The following CFAP20DC variants were observed in gnomAD, a reference collection of about 807,000 sequenced individuals.
CFAP20DC encodes the protein protein CFAP20DC.
CFAP20DC carries 84 observed loss-of-function variants against 101.7 expected under a neutral mutation model. The ratio of observed to expected loss-of-function variants is 0.83; its 90% CI spans 0.69 to 0.99. The LOEUF is 0.99. Among genes scored for constraint, CFAP20DC ranks in the 50% least tolerant of loss-of-function variants. The pLI is 0.00. For missense variants in CFAP20DC, 1,007 were observed against 970.3 expected (o/e 1.04, Z -0.50); for synonymous variants, 359 against 351.2 (o/e 1.02, Z -0.25).
At chr3:58,787,664 T>G (rs2072477764) in intron 15 of CFAP20DC, among the ~76,000 whole-genome samples, 1 of 152,110 alleles carries the variant, frequency 6.6e-6, no homozygotes. Context: ...GGATTATAAA[T>G]CATTCTACTA....
At chr3:58,809,999 C>T (rs6784903) in intron 14 of CFAP20DC, among the ~76,000 whole-genome samples, 15,066 of 152,072 alleles carry the variant, frequency 0.099, 1,290 homozygotes, top group East Asian at 0.35. Context: ...CACGACTAAA[C>T]CAGGAAGAAG....
At chr3:58,934,267 G>C (rs1487205673) in intron 5 of CFAP20DC, among the ~76,000 whole-genome samples, 1 of 152,202 alleles carries the variant, frequency 6.6e-6, no homozygotes, top group South Asian at 2.1e-4. Context: ...CTCTGAAATT[G>C]TGGCAATAAT....
intron 14 of CFAP20DC, among the ~76,000 whole-genome samples, chr3:58,830,518 A>G (rs2108036683): frequency 6.6e-6 from 1 of 152,200 alleles, no homozygotes; most frequent in East Asian, 1.9e-4. Flanking sequence ...GATTTCCAAG[A>G]TCTACAAAGA....
At chr3:58,814,835 C>G (rs795409) in intron 14 of CFAP20DC, among the ~76,000 whole-genome samples, 1 of 150,878 alleles carries the variant, frequency 6.6e-6, no homozygotes, top group Non-Finnish European at 1.5e-5. Context: ...GAACTACAAA[C>G]CACTGCTCAA....
intron 11 of CFAP20DC, 143 bp downstream of exon 11, chr3:58,866,423 G>A (rs908039683): frequency 6.6e-6 from 4 of 603,028 alleles, no homozygotes; most frequent in African/African-American, 5.8e-5. Flanking sequence ...ATAAAATTGA[G>A]GTTAAATAAG....
At chr3:58,831,103 T>G (rs2076363418) in intron 14 of CFAP20DC, among the ~76,000 whole-genome samples, 1 of 152,178 alleles carries the variant, frequency 6.6e-6, no homozygotes, top group Admixed American at 6.5e-5. Flanking sequence ...CTGTTCCAAC[T>G]CCTCTGCTGG....
At chr3:58,782,945 T>G (rs1043617388) in intron 15 of CFAP20DC, among the ~76,000 whole-genome samples, 7 of 151,844 alleles carry the variant, frequency 4.6e-5, no homozygotes, top group African/African-American at 1.7e-4. Flanking sequence ...AGAACCTGAA[T>G]AGCAAAAGAA....
chr3:58,723,234 G>A (rs1300120009), intron 3 of CFAP20DC, among the ~76,000 whole-genome samples: 1 of 152,182 alleles, frequency 6.6e-6, no homozygotes, highest in East Asian at 1.9e-4. Context: ...TTTTCCCCTT[G>A]AATGCTGTAG....
At chr3:58,851,436 T>A (rs1196311500) in intron 12 of CFAP20DC, among the ~76,000 whole-genome samples, 1 of 152,138 alleles carries the variant, frequency 6.6e-6, no homozygotes, top group Non-Finnish European at 1.5e-5. Context: ...ACTGAGTAAT[T>A]CTTGCAGTCT....
intron 4 of CFAP20DC, among the ~76,000 whole-genome samples, chr3:58,978,625 C>A (rs966295638): frequency 1.3e-5 from 2 of 150,902 alleles, no homozygotes; most frequent in Non-Finnish European, 2.9e-5. Context: ...ATGAGAATTG[C>A]TTGAACCTGG....
intron 4 of CFAP20DC, among the ~76,000 whole-genome samples, chr3:59,011,490 C>T (rs1014207199): frequency 6.7e-6 from 1 of 148,940 alleles, no homozygotes; most frequent in Non-Finnish European, 1.5e-5. Flanking sequence ...CAAATCAAAC[C>T]CAAACTCAGC....
chr3:58,966,533 TA>T (rs1455889684), intron 4 of CFAP20DC, among the ~76,000 whole-genome samples: 44 of 143,160 alleles, frequency 3.1e-4, no homozygotes, highest in Admixed American at 7.4e-4. Flanking sequence ...TATATATATA[TA>T]TTTTTTTTAG....
chr3:58,821,986 TC>T (rs1288876129), intron 14 of CFAP20DC, among the ~76,000 whole-genome samples: 1 of 143,426 alleles, frequency 7.0e-6, no homozygotes, highest in African/African-American at 2.8e-5. Context: ...AGAGTTCATG[TC>T]CTTTGTAGGG....
intron 13 of CFAP20DC, among the ~76,000 whole-genome samples, chr3:58,838,577 C>A (rs72881626): frequency 0.037 from 5,694 of 152,082 alleles, 132 homozygotes; most frequent in African/African-American, 0.073. Flanking sequence ...TGGGGAGGAG[C>A]ATGCATGAAA....
chr3:58,931,379 C>T (rs1036768591), intron 5 of CFAP20DC, among the ~76,000 whole-genome samples: 2 of 152,210 alleles, frequency 1.3e-5, no homozygotes, highest in Admixed American at 6.5e-5. Flanking sequence ...GTAACCTCTG[C>T]AGACTTAAAT....
chr3:59,024,964 G>A (rs2093867833), intron 4 of CFAP20DC, among the ~76,000 whole-genome samples: 1 of 152,174 alleles, frequency 6.6e-6, no homozygotes, highest in Admixed American at 6.5e-5. Flanking sequence ...GATTTGCTGT[G>A]AATTGTCTTC....
chr3:59,000,717 C>T (rs1357526771), intron 4 of CFAP20DC, among the ~76,000 whole-genome samples: 1 of 152,058 alleles, frequency 6.6e-6, no homozygotes, highest in Non-Finnish European at 1.5e-5. Context: ...GGAGGGCATA[C>T]AGGATGTGAA....
intron 5 of CFAP20DC, among the ~76,000 whole-genome samples, chr3:58,930,691 T>C (rs1038585150): frequency 1.3e-5 from 2 of 152,138 alleles, no homozygotes; most frequent in Non-Finnish European, 2.9e-5. Flanking sequence ...TTTCAGTATG[T>C]TTATTTTTAT....
intron 4 of CFAP20DC, among the ~76,000 whole-genome samples, chr3:59,028,916 G>A (rs895467988): frequency 8.5e-5 from 13 of 152,130 alleles, no homozygotes; most frequent in African/African-American, 2.9e-4. Flanking sequence ...AGGTGAGGCA[G>A]GTTAAGTAAT....
Sources: gnomAD v4.1 joint callset for allele counts (sites outside exome capture counted in the v4.1 genomes callset) on GRCh38, gnomAD v4.1.1 for gene constraint, MANE v1.5 for transcripts, NCBI Gene and HGNC (gene_info 2026-07-23, HGNC 2026-07-21) for gene names.